SKAP2: variants seen among roughly 807,000 people sequenced by gnomAD.
The protein encoded by SKAP2 is src kinase associated phosphoprotein 2, also known as src kinase-associated phosphoprotein 2.
A neutral mutation model predicts 54.9 loss-of-function variants in SKAP2; 28 were observed. The observed-to-expected ratio is 0.51, with a 90% confidence interval of 0.38 to 0.70. The LOEUF (loss-of-function observed/expected upper bound fraction) is 0.70, where lower values mean the gene tolerates loss of function less well. Among genes scored for constraint, SKAP2 ranks in the 30% least tolerant of loss-of-function variants. The pLI, the probability that SKAP2 is intolerant of heterozygous loss-of-function variation, is 0.00. For synonymous variants in SKAP2, 137 were observed against 134.3 expected, an observed-to-expected ratio of 1.02 and a Z score of -0.14; for missense variants, 356 against 424.1, an observed-to-expected ratio of 0.84 and a Z score of 1.41.
chr7:26,741,570 A>AT (rs1782456356), intron 4 of SKAP2, among the ~76,000 whole-genome samples: 1 of 12,824 alleles, frequency 7.8e-5, no homozygotes, highest in Admixed American at 9.0e-4. Flanking sequence ...AAATAAATAA[A>AT]TAAATAAATT....
Position 26,668,381 on chromosome 7 carries a change from A to ATTCTAC in SKAP2, c.*1284_*1285insGTAGAA. On this transcript the variant is annotated 3_prime_UTR_variant, in exon 13 of 13. Coordinates refer to ENST00000345317, the MANE Select transcript of SKAP2 (RefSeq NM_003930.5). The stretch of plus-strand genomic sequence containing the variant: ...ACACCTCTGATTTCAAATATACATG[A>ATTCTAC]AAAGGTAATTATATGATTCTACAAA... The ATTCTAC allele has an allele frequency of 6.6e-6, 1 of 152,216 alleles. No individual in the cohort carries two copies. The highest frequency in any genetic ancestry group is 1.5e-5 in the Non-Finnish European group (1 of 68,040). The allele number at this position is 152,216 out of a possible 1,614,324, so 9.4% of individuals were successfully genotyped here.
chr7:26,841,840 TA>T (rs1267014313), intron 4 of SKAP2, among the ~76,000 whole-genome samples: 17 of 152,130 alleles, frequency 1.1e-4, no homozygotes, highest in African/African-American at 3.6e-4. Flanking sequence ...GTGCCTTCCA[TA>T]AGGTAAAAGT....
chr7:26,687,879 C>G (rs1786682070), intron 10 of SKAP2, among the ~76,000 whole-genome samples: 1 of 151,932 alleles, frequency 6.6e-6, no homozygotes, highest in Non-Finnish European at 1.5e-5. Flanking sequence ...GTTGGCTTTA[C>G]TACATGGATT....
chr7:26,672,777 A>G (rs1041382055), intron 11 of SKAP2, among the ~76,000 whole-genome samples: 1 of 151,982 alleles, frequency 6.6e-6, no homozygotes, highest in Non-Finnish European at 1.5e-5. Context: ...TATCATTACT[A>G]TTCTCTGTAT....
intron 4 of SKAP2, among the ~76,000 whole-genome samples, chr7:26,804,542 C>T (rs180952810): frequency 8.5e-4 from 129 of 152,168 alleles, no homozygotes; most frequent in Non-Finnish European, 2.1e-4. Context: ...AGATTGAGAC[C>T]ATCCTGGCTA....
chr7:26,731,575 T>C (rs935635720), intron 6 of SKAP2, among the ~76,000 whole-genome samples: 22 of 152,228 alleles, frequency 1.4e-4, no homozygotes, highest in African/African-American at 5.3e-4. Context: ...TTTTCAAAAC[T>C]GTTTATCCAA....
intron 4 of SKAP2, among the ~76,000 whole-genome samples, chr7:26,752,254 A>G (rs1348471469): frequency 6.6e-6 from 1 of 152,178 alleles, no homozygotes; most frequent in African/African-American, 2.4e-5. Context: ...TTGTTCAGGG[A>G]AGAAAACACA....
intron 4 of SKAP2, among the ~76,000 whole-genome samples, chr7:26,804,972 G>C (rs1010416920): frequency 2.6e-5 from 4 of 152,088 alleles, no homozygotes; most frequent in Non-Finnish European, 5.9e-5. Context: ...AAAAATTAAA[G>C]TATAAAACAC....
chr7:26,836,844 C>A (rs1189781478), intron 4 of SKAP2, among the ~76,000 whole-genome samples: 4 of 152,110 alleles, frequency 2.6e-5, no homozygotes, highest in South Asian at 2.1e-4. Flanking sequence ...TGGGTGTATA[C>A]CCAAAGGATT....
intron 6 of SKAP2, 62 bp from the exon 7 acceptor site, chr7:26,727,068 A>G: frequency 1.5e-6 from 2 of 1,342,698 alleles, no homozygotes; most frequent in Non-Finnish European, 2.0e-6. Flanking sequence ...ATTATCTTTT[A>G]TGTAAAATTT....
rs1290400066 is a variant in SKAP2, at chr7:26,756,512, C to A, written c.308-16548G>T. Among the ~76,000 whole-genome samples, 22 of 152,230 alleles carry A rather than the reference C, an allele frequency of 1.4e-4. No homozygotes were observed. In the East Asian group the frequency reaches 2.7e-3, roughly 19 times the overall value. ...TCCCTACAAAGGACATGAACTCATC[C>A]TTTTTTATGGCTGCATAGTATTCCA... On this transcript the variant is annotated intron_variant, in intron 4 of 12. Coordinates refer to ENST00000345317, the MANE Select transcript of SKAP2 (RefSeq NM_003930.5).
chr7:26,676,667 T>C (rs993529961), intron 11 of SKAP2, among the ~76,000 whole-genome samples: 1 of 152,214 alleles, frequency 6.6e-6, no homozygotes, highest in East Asian at 1.9e-4. Context: ...CTATCTGCCA[T>C]ACTGTTAACA....
intron 9 of SKAP2, among the ~76,000 whole-genome samples, chr7:26,714,022 G>A (rs1156652844): frequency 6.6e-6 from 1 of 152,170 alleles, no homozygotes; most frequent in African/African-American, 2.4e-5. Context: ...ATGAATTTGA[G>A]GACCAAGACT....
chr7:26,855,381 T>C (rs1327525320), intron 1 of SKAP2, among the ~76,000 whole-genome samples: 1 of 152,108 alleles, frequency 6.6e-6, no homozygotes, highest in Non-Finnish European at 1.5e-5. Flanking sequence ...ATATCCAACA[T>C]GTAATGCTTT....
chr7:26,735,455 G>C (rs1446907464), intron 6 of SKAP2, among the ~76,000 whole-genome samples: 2 of 152,118 alleles, frequency 1.3e-5, no homozygotes, highest in African/African-American at 4.8e-5. Context: ...TGGTACAATG[G>C]TAAGTGCATT....
At chr7:26,723,028 GA>G (rs1206157158) in intron 9 of SKAP2, among the ~76,000 whole-genome samples, 1 of 152,136 alleles carries the variant, frequency 6.6e-6, no homozygotes, top group Non-Finnish European at 1.5e-5. Context: ...CACAGAACTG[GA>G]AAAATATCAA....
intron 5 of SKAP2, among the ~76,000 whole-genome samples, chr7:26,739,150 T>C (rs1782372969): frequency 6.6e-6 from 1 of 152,208 alleles, no homozygotes; most frequent in African/African-American, 2.4e-5. Context: ...CTATACAGTC[T>C]TGAGATAATT....
chr7:26,738,834 G>A lies in SKAP2; in HGVS notation c.430C>T (p.Leu144Phe). 2 of 1,607,962 alleles carry A rather than the reference G, an allele frequency of 1.2e-6. No homozygotes were observed. Among genetic ancestry groups the A allele is most frequent in the Non-Finnish European group, 1.7e-6 (2 of 1,174,816 alleles). The change falls in exon 6 of 13, where the codon CTC becomes TTC. Residue 144 changes from leucine to phenylalanine, a missense_variant. Coordinates refer to ENST00000345317, the MANE Select transcript of SKAP2 (RefSeq NM_003930.5). ...GFEWQKRWCA[L>F]SKTVFYYYGS... ...TAATAATAGAATACCGTTTTACTGAGAGCACACCACCGTTTCTGCCATTCA... is the reference window on the plus strand; with the variant it reads ...TAATAATAGAATACCGTTTTACTGAAAGCACACCACCGTTTCTGCCATTCA...
chr7:26,750,877 T>A (rs1413917717), intron 4 of SKAP2, among the ~76,000 whole-genome samples: 1 of 152,216 alleles, frequency 6.6e-6, no homozygotes, highest in African/African-American at 2.4e-5. Flanking sequence ...CACTCAACTA[T>A]GCTTTATCTT....
Sources: gnomAD v4.1 joint callset for allele counts (sites outside exome capture counted in the v4.1 genomes callset) on GRCh38, gnomAD v4.1.1 for gene constraint, MANE v1.5 for transcripts, NCBI Gene and HGNC (gene_info 2026-07-23, HGNC 2026-07-21) for gene names.